SCAI: variants seen among roughly 807,000 people sequenced by gnomAD.
The protein encoded by SCAI is suppressor of cancer cell invasion, also known as protein SCAI.
SCAI carries 24 observed loss-of-function variants against 92.2 expected under a neutral mutation model. That is an observed-to-expected ratio of 0.26 (90% CI 0.19 to 0.37). The LOEUF (loss-of-function observed/expected upper bound fraction) is 0.37, where lower values mean the gene tolerates loss of function less well. SCAI is among the 10% of genes least tolerant of loss of function. SCAI has a pLI of 1.00. For synonymous variants in SCAI, 261 were observed against 258.6 expected (o/e 1.01, Z -0.09); for missense variants, 450 against 736.2 (o/e 0.61, Z 4.50).
At chr9:125,052,539 A>G (rs1588180033) in intron 3 of SCAI, among the ~76,000 whole-genome samples, 1 of 151,918 alleles carries the variant, frequency 6.6e-6, no homozygotes, top group Non-Finnish European at 1.5e-5. Context: ...CAGGAGAATC[A>G]CTTGAACCCA....
intron 17 of SCAI, among the ~76,000 whole-genome samples, chr9:124,960,212 GT>G (rs531434667): frequency 4.9e-4 from 74 of 152,058 alleles, no homozygotes; most frequent in Non-Finnish European, 9.3e-4. Flanking sequence ...ATAAAAAGCG[GT>G]TTTATTTCTA....
intron 9 of SCAI, among the ~76,000 whole-genome samples, chr9:125,004,443 C>G (rs1212428836): frequency 6.6e-6 from 1 of 151,268 alleles, no homozygotes. Context: ...ATTCTCCTGC[C>G]TCAGTCTCTG....
chr9:124,979,016 G>A (rs1399855151), intron 14 of SCAI, among the ~76,000 whole-genome samples: 2 of 151,710 alleles, frequency 1.3e-5, no homozygotes, highest in South Asian at 2.1e-4. Flanking sequence ...GAATGCCACT[G>A]TGCCTGGCTA....
intron 2 of SCAI, among the ~76,000 whole-genome samples, chr9:125,093,601 T>C (rs1834487615): frequency 6.6e-6 from 1 of 150,588 alleles, no homozygotes. Context: ...GGTCTCGCTC[T>C]GTCACCCAGG....
At chr9:124,996,717 C>A (rs1314890373) in intron 13 of SCAI, among the ~76,000 whole-genome samples, 2 of 151,212 alleles carry the variant, frequency 1.3e-5, no homozygotes, top group East Asian at 1.9e-4. Flanking sequence ...GCAACCTCCG[C>A]CTCCCACGTT....
rs1588148377 is a variant in SCAI at position 125,008,356 on chromosome 9, C to T, written c.862-4786G>A. 2.0e-5 allele frequency among the ~76,000 whole-genome samples: 3 copies of T among 152,136 alleles called. No homozygotes were observed. In the South Asian group the frequency reaches 6.2e-4, roughly 32 times the overall value. ...TTCACCATGTTGGCCAGGCTGGTCT[C>T]GGACTCCTAACCTCAAGTGATCTAC... On this transcript the variant is annotated intron_variant, in intron 9 of 17. Transcript: ENST00000336505.
chr9:125,085,415 G>C (rs1834306548), intron 2 of SCAI, among the ~76,000 whole-genome samples: 1 of 152,068 alleles, frequency 6.6e-6, no homozygotes, highest in Admixed American at 6.6e-5. Context: ...TGAACCCAAA[G>C]GGCGGGGACT....
chr9:125,143,252 T>TGC, intron 1 of SCAI, 133 bp downstream of exon 1: 2 of 299,946 alleles, frequency 6.7e-6, no homozygotes. Flanking sequence ...GCCCCCAAGG[T>TGC]CCCCCCAGCC....
chr9:124,998,256 C>G (rs1350797703), intron 13 of SCAI, among the ~76,000 whole-genome samples: 2 of 152,084 alleles, frequency 1.3e-5, no homozygotes, highest in African/African-American at 2.4e-5. Context: ...AGTTCGAGAC[C>G]AGACTGGTCA....
chr9:125,083,542 T>C (rs1286243719), intron 2 of SCAI, among the ~76,000 whole-genome samples: 1 of 144,762 alleles, frequency 6.9e-6, no homozygotes, highest in Non-Finnish European at 1.5e-5. Context: ...AAAAAAAAGA[T>C]GTGACTTGCT....
intron 9 of SCAI, among the ~76,000 whole-genome samples, chr9:125,006,190 A>C (rs1391302937): frequency 1.3e-5 from 2 of 152,204 alleles, no homozygotes; most frequent in Non-Finnish European, 2.9e-5. Flanking sequence ...CTGATTCAGC[A>C]AACAGAAACA....
chr9:125,064,251 T>C (rs1246966349), intron 2 of SCAI, among the ~76,000 whole-genome samples: 1 of 152,104 alleles, frequency 6.6e-6, no homozygotes, highest in Admixed American at 6.5e-5. Flanking sequence ...TCCCCATTAA[T>C]AAAGTTGACC....
At chr9:125,079,762 T>TAAAA (rs111415984) in intron 2 of SCAI, among the ~76,000 whole-genome samples, 1 of 148,604 alleles carries the variant, frequency 6.7e-6, no homozygotes. Flanking sequence ...GTTGGTGACT[T>TAAAA]AAAAAAAAAA....
At chr9:125,089,742 T>C (rs1329475166) in intron 2 of SCAI, among the ~76,000 whole-genome samples, 2 of 152,118 alleles carry the variant, frequency 1.3e-5, no homozygotes, top group East Asian at 3.9e-4. Context: ...TCTCACTCTG[T>C]CACCCAGGCT....
At chr9:125,139,067 T>C (rs1425241582) in intron 2 of SCAI, among the ~76,000 whole-genome samples, 3 of 152,034 alleles carry the variant, frequency 2.0e-5, no homozygotes, top group Non-Finnish European at 4.4e-5. Context: ...GGAGGGGGCT[T>C]GTCAAGGAGC....
chr9:124,998,404 G>T (rs1284863599), intron 13 of SCAI, among the ~76,000 whole-genome samples: 1 of 152,016 alleles, frequency 6.6e-6, no homozygotes, highest in Non-Finnish European at 1.5e-5. Context: ...AGTGAGCCAA[G>T]ATCGTGCCAC....
chr9:125,027,148 A>C (rs186724897), intron 5 of SCAI, among the ~76,000 whole-genome samples: 1 of 152,234 alleles, frequency 6.6e-6, no homozygotes, highest in African/African-American at 2.4e-5. Context: ...ATGCCAACCC[A>C]TATTACACAT....
At chr9:125,124,652 T>A (rs1835224568) in intron 2 of SCAI, among the ~76,000 whole-genome samples, 1 of 152,138 alleles carries the variant, frequency 6.6e-6, no homozygotes, top group South Asian at 2.1e-4. Context: ...ACTCAATCAC[T>A]TCAAATATTA....
chr9:125,143,433 A>G lies in SCAI; in HGVS notation c.5T>C (p.Val2Ala), dbSNP rs1271361062. The change falls in exon 1 of 18, where the codon GTC becomes GCC. Residue 2 changes from valine to alanine, a missense_variant. Physicochemically the swap from Val to Ala is moderately conservative, Grantham distance 64. This residue lies in a region of SCAI where 70 missense variants were observed against 66.3 expected (regional missense o/e 1.06). Transcript: ENST00000336505. ...CTGCTGGGGCTGCCGGGCTCCTCTG[A>G]CCATCCGGCTCCTGCTCCGCCGCGG... MVRGARQPQQPR... is the reference protein window; with the variant it reads MARGARQPQQPR... 1 of 1,391,824 alleles carries G rather than the reference A, an allele frequency of 7.2e-7. No individual in the cohort carries two copies. The allele number at this position is 1,391,824 out of a possible 1,614,324, so 86.2% of individuals were successfully genotyped here.
Sources: allele counts gnomAD v4.1 joint callset (sites outside exome capture counted in the v4.1 genomes callset), GRCh38; gene constraint gnomAD v4.1.1; regional missense constraint gnomAD v4.1.1; transcripts MANE v1.5; gene names NCBI Gene and HGNC (gene_info 2026-07-23, HGNC 2026-07-21).